KHDRBS2: variants seen among roughly 807,000 people sequenced by gnomAD.
KHDRBS2 encodes KH RNA binding domain containing, signal transduction associated 2.
A neutral mutation model predicts 44.3 loss-of-function variants in KHDRBS2; 26 were observed. That is an observed-to-expected ratio of 0.59 (90% confidence interval 0.43 to 0.81). KHDRBS2 has a LOEUF of 0.81. Among genes scored for constraint, KHDRBS2 ranks in the 40% least tolerant of loss-of-function variants. The pLI, the probability that KHDRBS2 is intolerant of heterozygous loss-of-function variation, is 0.00. For synonymous variants in KHDRBS2, 194 were observed against 151.1 expected (o/e 1.28, Z -2.08); for missense variants, 476 against 433.1 (o/e 1.10, Z -0.88).
chr6:62,059,982 G>T (rs554429669), intron 2 of KHDRBS2, among the ~76,000 whole-genome samples: 1 of 151,896 alleles, frequency 6.6e-6, no homozygotes, highest in South Asian at 2.1e-4. Flanking sequence ...GAATTCTACA[G>T]GAATGTATAA....
intron 2 of KHDRBS2, among the ~76,000 whole-genome samples, chr6:62,117,886 C>T (rs1162019258): frequency 6.6e-6 from 1 of 152,092 alleles, no homozygotes. Context: ...AGTGATTTTC[C>T]TGTTTCAGTC....
intron 4 of KHDRBS2, among the ~76,000 whole-genome samples, chr6:61,904,529 G>A (rs1040869342): frequency 6.6e-6 from 1 of 152,202 alleles, no homozygotes; most frequent in Non-Finnish European, 1.5e-5. Flanking sequence ...ATTGACCAAA[G>A]ACTTCAGTTG....
At chr6:62,184,758 C>A (rs958402685) in intron 1 of KHDRBS2, among the ~76,000 whole-genome samples, 1 of 151,746 alleles carries the variant, frequency 6.6e-6, no homozygotes, top group Non-Finnish European at 1.5e-5. Flanking sequence ...TTGCATAATT[C>A]TTTTTCTTTT....
chr6:61,574,237 G>A, the KHDRBS2 span: 29 of 870,594 alleles, frequency 3.3e-5, 1 homozygote, highest in Non-Finnish European at 4.8e-5. Flanking sequence ...TAGAGGCACC[G>A]CCTGCCCAGT....
chr6:62,003,179 T>A (rs1336415435), intron 3 of KHDRBS2, among the ~76,000 whole-genome samples: 1 of 152,058 alleles, frequency 6.6e-6, no homozygotes, highest in African/African-American at 2.4e-5. Flanking sequence ...TAGTCCCAGC[T>A]GAGGTGGGAG....
chr6:61,997,520 A>G (rs1777431167), intron 3 of KHDRBS2, among the ~76,000 whole-genome samples: 1 of 152,172 alleles, frequency 6.6e-6, no homozygotes, highest in African/African-American at 2.4e-5. Context: ...ATCCCTCTCC[A>G]GGTCCCTTCT....
chr6:62,137,061 C>T (rs1170945603), intron 2 of KHDRBS2, among the ~76,000 whole-genome samples: 5 of 133,352 alleles, frequency 3.7e-5, no homozygotes, highest in Middle Eastern at 5.0e-3. Context: ...AGTGCAGTGG[C>T]GCGATCTCGG....
intron 1 of KHDRBS2, among the ~76,000 whole-genome samples, chr6:62,199,851 C>G (rs184374397): frequency 6.6e-6 from 1 of 152,180 alleles, no homozygotes; most frequent in African/African-American, 2.4e-5. Context: ...AAGGCTACAG[C>G]AACCAAAACA....
intron 6 of KHDRBS2, among the ~76,000 whole-genome samples, chr6:61,749,511 A>C (rs1352192047): frequency 1.3e-5 from 2 of 152,232 alleles, no homozygotes; most frequent in African/African-American, 4.8e-5. Flanking sequence ...GTTTGAGAGC[A>C]AAATTATACT....
chr6:61,758,311 G>A (rs1460015747), intron 6 of KHDRBS2, among the ~76,000 whole-genome samples: 1 of 151,790 alleles, frequency 6.6e-6, no homozygotes, highest in African/African-American at 2.4e-5. Flanking sequence ...AGGTCAAAAC[G>A]TAAGTCTAGT....
chr6:61,830,618 G>T (rs1342727736), intron 6 of KHDRBS2, among the ~76,000 whole-genome samples: 1 of 152,144 alleles, frequency 6.6e-6, no homozygotes, highest in African/African-American at 2.4e-5. Context: ...CAACGAGGCT[G>T]GCAGTCCAAC....
the KHDRBS2 span, among the ~76,000 whole-genome samples, chr6:61,610,594 C>A: frequency 3.9e-5 from 6 of 152,192 alleles, no homozygotes; most frequent in African/African-American, 1.4e-4. Context: ...GGTCTTAGTT[C>A]CTCACCATGT....
At chr6:61,784,292 A>G (rs1783452576) in intron 6 of KHDRBS2, among the ~76,000 whole-genome samples, 2 of 151,700 alleles carry the variant, frequency 1.3e-5, no homozygotes, top group Non-Finnish European at 2.9e-5. Flanking sequence ...TAATTATTAT[A>G]GTAATTGGAT....
chr6:61,700,394 T>C (rs910520832), intron 7 of KHDRBS2, among the ~76,000 whole-genome samples: 1 of 149,772 alleles, frequency 6.7e-6, no homozygotes, highest in Non-Finnish European at 1.5e-5. Context: ...AATTTTAACT[T>C]TCAGAACTCT....
Position 62,276,509 on chromosome 6 carries a change from G to C in KHDRBS2, c.91+9349C>G, listed in dbSNP as rs532831291. Among the ~76,000 whole-genome samples, 8 of 152,270 alleles carry C rather than the reference G, an allele frequency of 5.3e-5. No homozygotes were observed. The South Asian group carries it at 1.7e-3, about 32-fold the overall frequency. ...TCACTTTTTGGGTCCAAAGAAGTCTGAAATGTTCCCTCTGCTCTGCCACCA... is the reference window on the plus strand; with the variant it reads ...TCACTTTTTGGGTCCAAAGAAGTCTCAAATGTTCCCTCTGCTCTGCCACCA... On this transcript the variant is annotated intron_variant, in intron 1 of 8. Transcript: ENST00000281156.
At chr6:61,692,842 G>A (rs1191095270) in intron 8 of KHDRBS2, among the ~76,000 whole-genome samples, 1 of 151,984 alleles carries the variant, frequency 6.6e-6, no homozygotes, top group African/African-American at 2.4e-5. Context: ...GCCAATGTGA[G>A]CTGCAGAGGA....
intron 6 of KHDRBS2, among the ~76,000 whole-genome samples, chr6:61,797,623 G>GT (rs1051222503): frequency 1.3e-5 from 2 of 151,582 alleles, no homozygotes; most frequent in African/African-American, 4.8e-5. Context: ...ACTTCCACTG[G>GT]TTATACCCCA....
chr6:62,076,240 TCTCA>T (rs896054199), intron 2 of KHDRBS2, among the ~76,000 whole-genome samples: 56 of 151,966 alleles, frequency 3.7e-4, no homozygotes, highest in Non-Finnish European at 1.6e-4. Context: ...CATATTGAGT[TCTCA>T]CTCAGGTTGT....
At chr6:61,805,520 C>A (rs534431220) in intron 6 of KHDRBS2, among the ~76,000 whole-genome samples, 1 of 152,238 alleles carries the variant, frequency 6.6e-6, no homozygotes, top group African/African-American at 2.4e-5. Context: ...CTATGTGGTA[C>A]CAATTTACTG....
Sources: gnomAD v4.1 joint callset for allele counts (sites outside exome capture counted in the v4.1 genomes callset) on GRCh38, gnomAD v4.1.1 for gene constraint, MANE v1.5 for transcripts, NCBI Gene and HGNC (gene_info 2026-07-23, HGNC 2026-07-21) for gene names.